BCL3: variants seen among roughly 807,000 people sequenced by gnomAD.
BCL3 encodes BCL3 transcription coactivator.
BCL3 carries 15 observed loss-of-function variants against 35.7 expected under a neutral mutation model. The ratio of observed to expected loss-of-function variants is 0.42; its 90% confidence interval spans 0.28 to 0.65. The LOEUF (loss-of-function observed/expected upper bound fraction) is 0.65, where lower values mean the gene tolerates loss of function less well. Among genes scored for constraint, BCL3 ranks in the 30% least tolerant of loss-of-function variants. The probability of loss-of-function intolerance (pLI) is 0.22; values close to 1 mark genes in which losing one functional copy is unlikely to be tolerated. For synonymous variants in BCL3, 311 were observed against 284.3 expected (o/e 1.09, Z -0.95); for missense variants, 565 against 641.7 (o/e 0.88, Z 1.29).
intron 2 of BCL3, among the ~76,000 whole-genome samples, chr19:44,753,296 C>G (rs1298111578): frequency 6.6e-6 from 1 of 152,208 alleles, no homozygotes; most frequent in Admixed American, 6.5e-5. Flanking sequence ...CAGACAGTCT[C>G]TGCCCCCAGT....
At position 44,748,728 on chromosome 19, in the gene BCL3, G is replaced by A. The variant is rs897479633; in HGVS notation, c.-63G>A. On this transcript the variant is annotated 5_prime_UTR_variant, in exon 1 of 9. Coordinates refer to ENST00000164227, the MANE Select transcript of BCL3 (RefSeq NM_005178.5). ...GCTGCAGGGGAAGTCCCGGCGCCCG[G>A]CGAAACCACCCTCCCGTGCAGCCGA... 7.4e-5 allele frequency: 79 copies of A among 1,067,884 alleles called. No individual in the cohort carries two copies. Among genetic ancestry groups the A allele is most frequent in the Non-Finnish European group, 8.5e-5 (75 of 883,880 alleles). The allele number at this position is 1,067,884 out of a possible 1,614,324, so 66.2% of individuals were successfully genotyped here.
At position 44,757,595 on chromosome 19, in the gene BCL3, G is replaced by A. The variant is rs757706520; in HGVS notation, c.814-51G>A. 1.9e-6 allele frequency: 3 copies of A among 1,601,114 alleles called. No individual in the cohort carries two copies. Among genetic ancestry groups the A allele is most frequent in the African/African-American group, 1.3e-5 (1 of 74,632 alleles). ...GGATGTGGACGGGATGCGGGTCGCC[G>A]GCTGCTGGAGCAGAGCTTGGAGAAA... On this transcript the variant is annotated intron_variant, in intron 5 of 8. Coordinates refer to ENST00000164227, the MANE Select transcript of BCL3 (RefSeq NM_005178.5). This position sits in a 1 kb window ranked among gnomAD's most constrained non-coding sequence, Gnocchi z 8.4.
chr19:44,747,901 T>C (rs1252657772), upstream of BCL3: 2 of 1,154,966 alleles, frequency 1.7e-6, no homozygotes, highest in Non-Finnish European at 2.2e-6. Context: ...CCCCAACGAG[T>C]GCAGAGACAC....
At chr19:44,752,314 C>T (rs1012824235) in intron 2 of BCL3, among the ~76,000 whole-genome samples, 2 of 151,784 alleles carry the variant, frequency 1.3e-5, no homozygotes, top group African/African-American at 4.8e-5. Context: ...GATCCTCCCA[C>T]CTCAGCCTCC....
upstream of BCL3, chr19:44,748,258 G>A (rs1967103051): frequency 2.4e-6 from 1 of 416,594 alleles, no homozygotes; most frequent in Non-Finnish European, 4.3e-6. Context: ...GAGAGACAGA[G>A]ACGGAACAGA....
At chr19:44,756,391 A>T in intron 3 of BCL3, 51 bp downstream of exon 3, 2 of 1,247,008 alleles carry the variant, frequency 1.6e-6, no homozygotes, top group Non-Finnish European at 2.1e-6. Context: ...CCTGGGTCTG[A>T]CAGAGGAGGG....
chr19:44,753,218 A>G (rs1599839623), intron 2 of BCL3, among the ~76,000 whole-genome samples: 1 of 152,280 alleles, frequency 6.6e-6, no homozygotes, highest in Non-Finnish European at 1.5e-5. Flanking sequence ...GATTATAAAG[A>G]GCTAATAAAA....
In BCL3 at chr19:44,757,652, A is replaced by G; in HGVS notation, c.820A>G (p.Lys274Glu). The G allele has an allele frequency of 6.2e-7, 1 of 1,613,794 alleles. No homozygotes were observed. Among genetic ancestry groups the G allele is most frequent in the Non-Finnish European group, 8.5e-7 (1 of 1,179,860 alleles). The change falls in exon 6 of 9, where the codon AAG (lysine) becomes GAG (glutamate). Residue 274 changes from lysine to glutamate, a missense_variant. Lys to Glu is a moderately conservative substitution (Grantham distance 56). Around this residue, in one of 5 missense-constraint regions of BCL3, gnomAD observed 103 missense variants for 106.7 expected, o/e 0.97. Coordinates refer to ENST00000164227, the MANE Select transcript of BCL3 (RefSeq NM_005178.5). The surrounding 1 kb of genome is among the most constrained non-coding windows in gnomAD (Gnocchi z 8.4). ...RGADIDAVDI[K>E]SGRSPLIHAV... is the part of the protein sequence containing the mutation. ...CCTTCCCTCCCCGCCGCAGGACATT[A>G]AGAGCGGCCGCTCCCCGCTCATCCA...
rs1967312195 is a variant in BCL3, at chr19:44,757,322, C to T, written c.725-5C>T. 1 of 1,599,140 alleles carries T rather than the reference C, an allele frequency of 6.3e-7. No homozygotes were observed. Among genetic ancestry groups the T allele is most frequent in the East Asian group, 2.3e-5 (1 of 43,656 alleles). ...TAGGTTTCACCGAGCCCTCCTCTCC[C>T]TCAGGGCTCACCGCCCTGCACGTGG... On this transcript the variant is annotated splice_region_variant and splice_polypyrimidine_tract_variant and intron_variant, in intron 4 of 8. Coordinates refer to ENST00000164227, the MANE Select transcript of BCL3 (RefSeq NM_005178.5). The surrounding 1 kb of genome is among the most constrained non-coding windows in gnomAD (Gnocchi z 8.4).
chr19:44,747,822 C>T (rs1368875850), upstream of BCL3: 208 of 1,119,336 alleles, frequency 1.9e-4, 1 homozygote, highest in Non-Finnish European at 2.3e-4. Context: ...ATGTCTCTTT[C>T]TCTCTGTGCA....
In BCL3 at chr19:44,749,003, GC is replaced by G. The variant is rs770262318; in HGVS notation, c.220del (p.His74ThrfsTer31). 2.6e-5 allele frequency: 36 copies of G among 1,384,452 alleles called. No individual in the cohort carries two copies. The highest frequency in any genetic ancestry group is 1.5e-4 in the South Asian group (10 of 64,670). 85.8% of individuals were successfully genotyped at this position (1,384,452 alleles called of 1,614,324 possible). A position where few individuals can be genotyped will look rare whatever the true frequency, so the allele number is the denominator to read the frequency against. ...GCTGCGACCTGCCGGCGGTCCCCGG[GC>G]CCCCCCACGGCCTGGCCCGGCCGGA... ...GGCDLPAVPG[P>X]PHGLARPEAL... On this transcript the variant is annotated frameshift_variant, in exon 1 of 9. Transcript: ENST00000164227. LOFTEE classifies it high-confidence loss of function.
At chr19:44,759,358 C>A in intron 8 of BCL3, 70 bp from the exon 9 acceptor site, 1 of 1,250,622 alleles carries the variant, frequency 8.0e-7, no homozygotes, top group Non-Finnish European at 1.1e-6. Flanking sequence ...ACCCAGATCT[C>A]AGGCCCCAGC....
Position 44,759,682 on chromosome 19 carries a change from C to G in BCL3, c.*67C>G. On this transcript the variant is annotated 3_prime_UTR_variant, in exon 9 of 9. Transcript: ENST00000164227. ...CCCCTGCCCTGTGGGGTCAACCCTT[C>G]TGGAAACTGTGAAGATCTCACTCTG... 1 of 1,162,624 alleles carries G rather than the reference C, an allele frequency of 8.6e-7. No homozygotes were observed. The highest frequency in any genetic ancestry group is 2.6e-5 in the East Asian group (1 of 38,682). 72.0% of individuals were successfully genotyped at this position (1,162,624 alleles called of 1,614,324 possible).
intron 2 of BCL3, among the ~76,000 whole-genome samples, chr19:44,752,078 GCA>G (rs3138632): frequency 0.024 from 3,486 of 145,602 alleles, 93 homozygotes; most frequent in African/African-American, 0.069. Context: ...CTCAAACCCA[GCA>G]CACACACACA....
In BCL3 at chr19:44,759,468, T is replaced by TC; in HGVS notation, c.1224dup (p.Arg409GlnfsTer58). The TC allele has an allele frequency of 6.2e-7, 1 of 1,607,878 alleles. No individual in the cohort carries two copies. Among genetic ancestry groups the TC allele is most frequent in the Non-Finnish European group, 8.5e-7 (1 of 1,177,604 alleles). ...CACCATCCTCCTCACCCTCCCAGTC[T>TC]CCCCCCAGGGACCCCCCTGGATTCC... is the stretch of plus-strand genomic sequence containing the variant. On this transcript the variant is annotated frameshift_variant, in exon 9 of 9. Coordinates refer to ENST00000164227, the MANE Select transcript of BCL3 (RefSeq NM_005178.5). LOFTEE classifies it high-confidence loss of function.
At chr19:44,749,424 T>C (rs1270728949) in intron 1 of BCL3, among the ~76,000 whole-genome samples, 1 of 151,222 alleles carries the variant, frequency 6.6e-6, no homozygotes, top group Non-Finnish European at 1.5e-5. Flanking sequence ...GAAGCTGAGC[T>C]GGGCTGGAGA....
At position 44,756,297 on chromosome 19, in the gene BCL3, A is replaced by T; in HGVS notation, c.476A>T (p.Gln159Leu). 1 of 1,549,608 alleles carries T rather than the reference A, an allele frequency of 6.5e-7. No individual in the cohort carries two copies. Among genetic ancestry groups the T allele is most frequent in the Non-Finnish European group, 8.7e-7 (1 of 1,143,922 alleles). Residue 159 changes from glutamine to leucine, a missense_variant, in exon 3 of 9, where the codon CAG becomes CTG. Physicochemically the swap from Gln to Leu is moderately radical, Grantham distance 113. Coordinates refer to ENST00000164227, the MANE Select transcript of BCL3 (RefSeq NM_005178.5). ...PAVHRLVNLF[Q>L]QGGRELDIYN... ...GTGCACCGGCTGGTCAACCTCTTCC[A>T]GCAGGGGGGCCGGGAGCTCGACATC...
chr19:44,756,466 G>C, intron 3 of BCL3, 126 bp downstream of exon 3: 2 of 677,382 alleles, frequency 3.0e-6, no homozygotes, highest in Non-Finnish European at 4.4e-6. Context: ...GGGTCTGAGG[G>C]AGGAGGGACT....
rs2122270967 is a variant in BCL3 at position 44,748,822 on chromosome 19, A to G, written c.32A>G (p.Glu11Gly). 1 of 1,107,692 alleles carries G rather than the reference A, an allele frequency of 9.0e-7. No individual in the cohort carries two copies. The highest frequency in any genetic ancestry group is 5.0e-5 in the East Asian group (1 of 19,958). 68.6% of individuals were successfully genotyped at this position (1,107,692 alleles called of 1,614,324 possible). A position where few individuals can be genotyped will look rare whatever the true frequency, so the allele number is the denominator to read the frequency against. Residue 11 changes from glutamate (E) to glycine (G), a missense_variant, in exon 1 of 9, where the codon GAG (glutamate) becomes GGG (glycine). Physicochemically the swap from Glu to Gly is moderately conservative, Grantham distance 98 (BLOSUM62 -2). Coordinates refer to ENST00000164227, the MANE Select transcript of BCL3 (RefSeq NM_005178.5). MPRCPAGAMD[E>G]GPVDLRTRPK... ...CGATGCCCCGCGGGGGCCATGGACGAGGGGCCCGTGGACCTGCGCACCCGG... is the reference window on the plus strand; with the variant it reads ...CGATGCCCCGCGGGGGCCATGGACGGGGGGCCCGTGGACCTGCGCACCCGG...
Sources: allele counts gnomAD v4.1 joint callset (sites outside exome capture counted in the v4.1 genomes callset), GRCh38; gene constraint gnomAD v4.1.1; regional missense constraint gnomAD v4.1.1; non-coding constraint Gnocchi (gnomAD v3.1); transcripts MANE v1.5; gene names NCBI Gene and HGNC (gene_info 2026-07-23, HGNC 2026-07-21).